The following PTP4A1 variants were observed in gnomAD, a reference collection of about 807,000 sequenced individuals.
The protein encoded by PTP4A1 is protein tyrosine phosphatase 4A1.
A neutral mutation model predicts 20.5 loss-of-function variants in PTP4A1; 9 were observed. That is an observed-to-expected ratio of 0.44 (90% CI 0.26 to 0.77). PTP4A1 has a LOEUF of 0.77. Among genes scored for constraint, PTP4A1 ranks in the 30% least tolerant of loss-of-function variants. The pLI is 0.19. For missense variants in PTP4A1, 137 were observed against 218.8 expected (o/e 0.63, Z 2.36); for synonymous variants, 78 against 67.4 (o/e 1.16, Z -0.77).
In PTP4A1 at chr6:63,526,833, A is replaced by ATATT. The variant is rs1287951488; in HGVS notation, c.-905-973_-905-970dup. 7.9e-3 allele frequency among the ~76,000 whole-genome samples: 1,015 copies of ATATT among 127,938 alleles called. 9 individuals carry two copies. Among genetic ancestry groups the ATATT allele is most frequent in the African/African-American group, 0.011 (351 of 30,896 alleles). The allele number at this position is 127,938 out of a possible 152,430, so 83.9% of individuals were successfully genotyped here. ...TATATATATATATATATATATATAT[A>ATATT]TATTTATTTATTTATTCTTCTTAAG... On this transcript the variant is annotated intron_variant, in intron 1 of 3. Transcript: ENST00000639568.
Position 63,579,023 on chromosome 6 carries a change from T to C in PTP4A1, c.324T>C (p.Leu108=). 1.3e-6 allele frequency: 2 copies of C among 1,578,950 alleles called. No homozygotes were observed. The highest frequency in any genetic ancestry group is 2.4e-5 in the South Asian group (2 of 83,286). Residue 108 remains leucine (L), a synonymous_variant, in exon 4 of 6, where the codon CTT becomes CTC. Coordinates refer to ENST00000626021, the MANE Select transcript of PTP4A1 (RefSeq NM_003463.5). The part of the protein sequence containing the change: ...CCIAVHCVAG[L]GRAPVLVALA... ...TTGCTGTTCATTGCGTTGCAGGCCT[T>C]GGGAGGTAAATGAATTTATCAATTT...
intron 1 of PTP4A1, 43 bp from the exon 2 acceptor site, chr6:63,576,393 G>A: frequency 2.5e-6 from 1 of 399,456 alleles, no homozygotes; most frequent in Non-Finnish European, 4.4e-6. Context: ...TTTTGAATTG[G>A]AAAATAACTT....
intron 2 of PTP4A1, among the ~76,000 whole-genome samples, chr6:63,539,116 A>G (rs61580957): frequency 0.087 from 13,180 of 151,086 alleles, 610 homozygotes; most frequent in East Asian, 0.16. Flanking sequence ...CTGATCTTGA[A>G]CTCCTGACCT....
chr6:63,546,092 A>G (rs536285982), intron 2 of PTP4A1, among the ~76,000 whole-genome samples: 9 of 152,334 alleles, frequency 5.9e-5, no homozygotes, highest in Non-Finnish European at 1.0e-4. Flanking sequence ...ATGCAGCATC[A>G]TTCACAATAG....
chr6:63,533,817 T>C (rs967899432), intron 2 of PTP4A1, among the ~76,000 whole-genome samples: 1 of 148,476 alleles, frequency 6.7e-6, no homozygotes, highest in Admixed American at 6.8e-5. Flanking sequence ...TATAGCAAAT[T>C]CCTGAACAAA....
chr6:63,564,568 C>A (rs1334034585), intron 3 of PTP4A1, among the ~76,000 whole-genome samples: 1 of 152,200 alleles, frequency 6.6e-6, no homozygotes, highest in African/African-American at 2.4e-5. Context: ...TTATCTGCAG[C>A]CTAAATGCCA....
At chr6:63,542,509 T>G (rs962538660) in intron 2 of PTP4A1, among the ~76,000 whole-genome samples, 4 of 152,124 alleles carry the variant, frequency 2.6e-5, no homozygotes, top group African/African-American at 4.8e-5. Flanking sequence ...CAGCAAAACT[T>G]TTCAAGAGTC....
At position 63,581,206 on chromosome 6, in the gene PTP4A1, C is replaced by G. The variant is rs1022015146; in HGVS notation, c.*1032C>G. The stretch of plus-strand genomic sequence containing the variant: ...AATGGGTTTCTGCTAATGAATTGAG[C>G]AGACATCTAATATTTTATATGCCTT... On this transcript the variant is annotated 3_prime_UTR_variant, in exon 6 of 6. Transcript: ENST00000626021. The G allele has an allele frequency of 6.6e-6, 1 of 152,384 alleles. No homozygotes were observed. Among genetic ancestry groups the G allele is most frequent in the Non-Finnish European group, 1.5e-5 (1 of 67,982 alleles). 9.4% of individuals were successfully genotyped at this position (152,384 alleles called of 1,614,324 possible).
chr6:63,575,827 A>G (rs1184429251), intron 1 of PTP4A1, among the ~76,000 whole-genome samples: 1 of 152,154 alleles, frequency 6.6e-6, no homozygotes, highest in Non-Finnish European at 1.5e-5. Flanking sequence ...ACAGATTGTT[A>G]AGGATAAAGT....
At chr6:63,522,413 A>G (rs897431254) in intron 1 of PTP4A1, among the ~76,000 whole-genome samples, 1 of 152,212 alleles carries the variant, frequency 6.6e-6, no homozygotes, top group African/African-American at 2.4e-5. Context: ...CCTGCAGGAG[A>G]TAATTTCATC....
chr6:63,580,833 T>A lies in PTP4A1; in HGVS notation c.*659T>A, dbSNP rs1778184260. ...ACCTCCATTTTGAAAATCTACGTTG[T>A]ACAGAAGCACATGTCTTTAATGTCT... On this transcript the variant is annotated 3_prime_UTR_variant, in exon 6 of 6. Transcript: ENST00000626021. 6.6e-6 allele frequency: 1 copy of A among 152,554 alleles called. No individual in the cohort carries two copies. Among genetic ancestry groups the A allele is most frequent in the Non-Finnish European group, 1.5e-5 (1 of 68,024 alleles). 9.5% of individuals were successfully genotyped at this position (152,554 alleles called of 1,614,324 possible).
At chr6:63,518,360 T>C (rs926994667), upstream of PTP4A1, among the ~76,000 whole-genome samples, 2 of 152,164 alleles carry the variant, frequency 1.3e-5, no homozygotes, top group African/African-American at 2.4e-5. Flanking sequence ...CTTAGGTATC[T>C]TGAGGTCCTG....
At chr6:63,535,501 C>T (rs76839242) in intron 2 of PTP4A1, among the ~76,000 whole-genome samples, 4 of 152,226 alleles carry the variant, frequency 2.6e-5, no homozygotes, top group South Asian at 2.1e-4. Context: ...ATGCATTTCC[C>T]TCCTTAATTA....
intron 1 of PTP4A1, among the ~76,000 whole-genome samples, chr6:63,526,215 C>T (rs1775163832): frequency 6.6e-6 from 1 of 152,056 alleles, no homozygotes; most frequent in Admixed American, 6.6e-5. Context: ...GTCCCAGCTA[C>T]TCAGGAGGCT....
chr6:63,581,804 TTAA>T lies in PTP4A1; in HGVS notation c.*1635_*1637del, dbSNP rs1236842392. 6.6e-6 allele frequency: 1 copy of T among 152,186 alleles called. No individual in the cohort carries two copies. The highest frequency in any genetic ancestry group is 1.5e-5 in the Non-Finnish European group (1 of 68,002). The allele number at this position is 152,186 out of a possible 1,614,324, so 9.4% of individuals were successfully genotyped here. A position where few individuals can be genotyped will look rare whatever the true frequency, so the allele number is the denominator to read the frequency against. ...GAGCCTCAGTTTTCTCCTTTGCAAA[TTAA>T]TAATTACATACCTTTATAGATTTTG... On this transcript the variant is annotated 3_prime_UTR_variant, in exon 6 of 6. Coordinates refer to ENST00000626021, the MANE Select transcript of PTP4A1 (RefSeq NM_003463.5).
chr6:63,565,551 C>A (rs1387907202), intron 3 of PTP4A1, among the ~76,000 whole-genome samples: 2 of 152,154 alleles, frequency 1.3e-5, no homozygotes, highest in African/African-American at 4.8e-5. Context: ...TCTGATCCAG[C>A]AGGATTCATT....
chr6:63,532,074 C>T (rs890665572), intron 2 of PTP4A1, among the ~76,000 whole-genome samples: 8 of 152,198 alleles, frequency 5.3e-5, no homozygotes, highest in Non-Finnish European at 1.2e-4. Context: ...GCTGGGATTA[C>T]AGGCGTGAGC....
chr6:63,572,343 C>A, upstream of PTP4A1: 1 of 276,696 alleles, frequency 3.6e-6, no homozygotes, highest in Non-Finnish European at 6.7e-6. Flanking sequence ...GCGGCGGCCG[C>A]CGCGGAGTGA....
chr6:63,559,208 A>C (rs1334168376), intron 3 of PTP4A1, among the ~76,000 whole-genome samples: 1 of 152,202 alleles, frequency 6.6e-6, no homozygotes, highest in African/African-American at 2.4e-5. Context: ...ATATCTTATA[A>C]ATACTCCCTT....
Sources: gnomAD v4.1 joint callset for allele counts (sites outside exome capture counted in the v4.1 genomes callset) on GRCh38, gnomAD v4.1.1 for gene constraint, MANE v1.5 for transcripts, NCBI Gene and HGNC (gene_info 2026-07-23, HGNC 2026-07-21) for gene names.